Variants in REPS2 observed in about 807,000 individuals in gnomAD.
The protein encoded by REPS2 is ralBP1-associated Eps domain-containing protein 2.
A neutral mutation model predicts 53.6 loss-of-function variants in REPS2; 23 were observed. The ratio of observed to expected loss-of-function variants is 0.43; its 90% CI spans 0.31 to 0.61. The LOEUF (loss-of-function observed/expected upper bound fraction) is 0.61, where lower values mean the gene tolerates loss of function less well. REPS2 is among the 20% of genes least tolerant of loss of function. REPS2 has a pLI of 0.11. For missense variants in REPS2, 446 were observed against 534.9 expected, an observed-to-expected ratio of 0.83 and a Z score of 1.64; for synonymous variants, 238 against 218.6, an observed-to-expected ratio of 1.09 and a Z score of -0.78.
intron 1 of REPS2, among the ~76,000 whole-genome samples, chrX:16,965,391 A>G (rs1413279088): frequency 2.1e-5 from 2 of 94,860 alleles, no homozygotes; most frequent in African/African-American, 7.9e-5. Flanking sequence ...CTCCCGGACG[A>G]GGTGGCTGCC....
chrX:17,013,832 C>T (rs755702263), intron 2 of REPS2, among the ~76,000 whole-genome samples: 2 of 111,113 alleles, frequency 1.8e-5, no homozygotes, highest in Non-Finnish European at 3.8e-5. Flanking sequence ...AGCCCTGCTA[C>T]AGGGACACAG....
intron 14 of REPS2, among the ~76,000 whole-genome samples, chrX:17,119,805 T>C (rs1442427729): frequency 9.1e-6 from 1 of 110,496 alleles, no homozygotes; most frequent in African/African-American, 3.3e-5. Context: ...TATGGTGGTT[T>C]TCTAGGTTTC....
intron 1 of REPS2, among the ~76,000 whole-genome samples, chrX:16,994,008 C>A (rs1305107121): frequency 8.9e-6 from 1 of 112,769 alleles, no homozygotes; most frequent in Non-Finnish European, 1.9e-5. Context: ...AGCCAGATAA[C>A]CTCACAGAAT....
At chrX:17,193,339 A>C in the REPS2 span, among the ~76,000 whole-genome samples, 2 of 111,544 alleles carry the variant, frequency 1.8e-5, no homozygotes, top group Non-Finnish European at 3.8e-5. Flanking sequence ...TCCCCTTGAA[A>C]TATGCATGTG....
chrX:16,946,682 C>G lies in REPS2; in HGVS notation c.-180C>G. On this transcript the variant is annotated 5_prime_UTR_variant, in exon 1 of 18. Coordinates refer to ENST00000357277, the MANE Select transcript of REPS2 (RefSeq NM_004726.3). ...CAACATTCAAGCCCGGGGGTGGGGCCGGCGCGCGCCGGGAGGAAGCGGCCG... is the reference window on the plus strand; with the variant it reads ...CAACATTCAAGCCCGGGGGTGGGGCGGGCGCGCGCCGGGAGGAAGCGGCCG... 1 of 379,973 alleles carries G rather than the reference C, an allele frequency of 2.6e-6. No individual in the cohort carries two copies. Among genetic ancestry groups the G allele is most frequent in the Non-Finnish European group, 3.3e-6 (1 of 301,216 alleles). 31.3% of individuals were successfully genotyped at this position (379,973 alleles called of 1,213,427 possible).
chrX:17,178,690 G>T, the REPS2 span, among the ~76,000 whole-genome samples: 1 of 111,599 alleles, frequency 9.0e-6, no homozygotes, highest in Non-Finnish European at 1.9e-5. Flanking sequence ...AGCACTTTCG[G>T]AGGCCAAGGC....
At chrX:16,951,990 T>C (rs913538411) in intron 1 of REPS2, among the ~76,000 whole-genome samples, 1 of 112,140 alleles carries the variant, frequency 8.9e-6, no homozygotes, top group Non-Finnish European at 1.9e-5. Flanking sequence ...AAAGTCAATT[T>C]TGTGCATATC....
chrX:17,167,317 A>G, the REPS2 span, among the ~76,000 whole-genome samples: 4 of 111,866 alleles, frequency 3.6e-5, no homozygotes, highest in African/African-American at 9.7e-5. Flanking sequence ...TAAAGCATGC[A>G]TATTATATCT....
intron 1 of REPS2, among the ~76,000 whole-genome samples, chrX:16,962,872 A>G (rs746774029): frequency 1.4e-4 from 16 of 112,120 alleles, no homozygotes; most frequent in Non-Finnish European, 2.6e-4. Context: ...AGGCAGGAGG[A>G]TTGCTTGAGG....
intron 1 of REPS2, among the ~76,000 whole-genome samples, chrX:16,960,530 TATC>T (rs755935091): frequency 8.9e-6 from 1 of 112,462 alleles, no homozygotes; most frequent in Non-Finnish European, 1.9e-5. Context: ...CCACAGCTAA[TATC>T]ATAATCAGTG....
chrX:17,106,595 T>C (rs2062877536), intron 14 of REPS2, among the ~76,000 whole-genome samples: 1 of 109,534 alleles, frequency 9.1e-6, no homozygotes, highest in Admixed American at 9.8e-5. Context: ...CTGTATTTTT[T>C]AGTAGAGACG....
At chrX:17,179,552 A>G in the REPS2 span, among the ~76,000 whole-genome samples, 2 of 111,700 alleles carry the variant, frequency 1.8e-5, no homozygotes, top group Non-Finnish European at 3.8e-5. Flanking sequence ...GCTGCCCCAA[A>G]TGATACCACT....
intron 2 of REPS2, among the ~76,000 whole-genome samples, chrX:17,015,909 T>A (rs1426274287): frequency 8.9e-6 from 1 of 112,106 alleles, no homozygotes; most frequent in Non-Finnish European, 1.9e-5. Context: ...TGATTTATAA[T>A]CCTTTGGGTA....
rs1359905963 is a variant in REPS2 at position 17,148,004 on chromosome X, A to G, written c.*523A>G. ...GCTAAAATAAAAGCATCAGATTTAG[A>G]CTGGCGCTGTGCCCTCTACCACTAT... On this transcript the variant is annotated 3_prime_UTR_variant, in exon 18 of 18. Transcript: ENST00000357277. The G allele has an allele frequency of 8.9e-6, 1 of 112,421 alleles. No individual in the cohort carries two copies. The highest frequency in any genetic ancestry group is 9.5e-5 in the Admixed American group (1 of 10,580). 9.3% of individuals were successfully genotyped at this position (112,421 alleles called of 1,213,427 possible).
rs944295195 is a variant in REPS2, at chrX:17,142,464, A to C, written c.1914+3503A>C. Among the ~76,000 whole-genome samples the C allele has an allele frequency of 8.0e-5, 9 of 112,015 alleles. No homozygotes were observed. In the Admixed American group the frequency reaches 8.5e-4, roughly 11 times the overall value. On this transcript the variant is annotated intron_variant, in intron 17 of 17. Transcript: ENST00000357277. ...AACACGTATTTGATAAAAGACTTAT[A>C]TCTCAATTATATAAAGAACTCTTAA...
intron 13 of REPS2, among the ~76,000 whole-genome samples, chrX:17,102,821 T>G (rs2062826469): frequency 8.9e-6 from 1 of 112,736 alleles, no homozygotes; most frequent in South Asian, 3.6e-4. Flanking sequence ...CAGAAAATTG[T>G]CCAAATGCAT....
intron 17 of REPS2, among the ~76,000 whole-genome samples, chrX:17,144,047 T>C (rs1385307868): frequency 8.9e-6 from 1 of 112,800 alleles, no homozygotes; most frequent in East Asian, 2.8e-4. Context: ...GCAATTTGGC[T>C]CGGCTGTATA....
chrX:16,974,534 A>G (rs1439724029), intron 1 of REPS2, among the ~76,000 whole-genome samples: 1 of 110,082 alleles, frequency 9.1e-6, no homozygotes, highest in Non-Finnish European at 1.9e-5. Context: ...AATCCCAGCT[A>G]CTCAGGAGGC....
intron 6 of REPS2, among the ~76,000 whole-genome samples, chrX:17,050,917 C>A (rs369092951): frequency 3.3e-4 from 37 of 111,321 alleles, no homozygotes; most frequent in African/African-American, 1.1e-3. Flanking sequence ...TATAGTCACC[C>A]TATTGTGCTA....
Sources: gnomAD v4.1 joint callset for allele counts (sites outside exome capture counted in the v4.1 genomes callset) on GRCh38, gnomAD v4.1.1 for gene constraint, MANE v1.5 for transcripts, NCBI Gene and HGNC (gene_info 2026-07-23, HGNC 2026-07-21) for gene names.